LRP11: variants seen among roughly 807,000 people sequenced by gnomAD.
LRP11 encodes low-density lipoprotein receptor-related protein 11.
Under a neutral mutation model 43.1 loss-of-function variants are expected in LRP11, and 25 were observed. The ratio of observed to expected loss-of-function variants is 0.58; its 90% CI spans 0.42 to 0.81. The LOEUF (loss-of-function observed/expected upper bound fraction) is 0.81. Among genes scored for constraint, LRP11 ranks in the 30% least tolerant of loss-of-function variants. The pLI is 0.00. For missense variants in LRP11, 623 were observed against 665.1 expected, an observed-to-expected ratio of 0.94 and a Z score of 0.70; for synonymous variants, 316 against 299.4, an observed-to-expected ratio of 1.06 and a Z score of -0.57.
intron 1 of LRP11, among the ~76,000 whole-genome samples, chr6:149,854,123 T>C (rs1205177906): frequency 6.6e-6 from 1 of 152,144 alleles, no homozygotes; most frequent in African/African-American, 2.4e-5. Context: ...GTATTTACCT[T>C]TGTTTTTGTT....
At chr6:149,822,284 G>A (rs2115369229) in intron 6 of LRP11, among the ~76,000 whole-genome samples, 1 of 151,966 alleles carries the variant, frequency 6.6e-6, no homozygotes, top group Admixed American at 6.6e-5. Flanking sequence ...AGGCTGTTAT[G>A]AGCCATGATC....
intron 2 of LRP11, 106 bp downstream of exon 2, chr6:149,852,897 C>T (rs544712769): frequency 4.0e-6 from 4 of 992,328 alleles, no homozygotes; most frequent in South Asian, 4.5e-5. Flanking sequence ...CCATTTTATG[C>T]CTTCTGCTAG....
intron 5 of LRP11, among the ~76,000 whole-genome samples, chr6:149,833,293 G>A (rs2115380981): frequency 6.6e-6 from 1 of 152,320 alleles, no homozygotes; most frequent in East Asian, 1.9e-4. Flanking sequence ...ATCAGAGGCT[G>A]AGGACTCTAC....
chr6:149,846,144 C>T (rs188251893), intron 2 of LRP11, among the ~76,000 whole-genome samples: 29 of 152,248 alleles, frequency 1.9e-4, no homozygotes, highest in Non-Finnish European at 3.5e-4. Flanking sequence ...CCCATGGGCA[C>T]CAGGCTGAAC....
At chr6:149,833,597 A>T (rs1292910680) in intron 5 of LRP11, among the ~76,000 whole-genome samples, 1 of 152,240 alleles carries the variant, frequency 6.6e-6, no homozygotes, top group Non-Finnish European at 1.5e-5. Flanking sequence ...CAAAATTTTA[A>T]TGGTGAGTTT....
At chr6:149,848,863 C>G (rs190558609) in intron 2 of LRP11, among the ~76,000 whole-genome samples, 2 of 152,224 alleles carry the variant, frequency 1.3e-5, no homozygotes, top group East Asian at 3.9e-4. Context: ...CAAACCTGCA[C>G]ATGTACCCCT....
At chr6:149,860,360 C>T (rs1163723176) in intron 1 of LRP11, among the ~76,000 whole-genome samples, 1 of 152,122 alleles carries the variant, frequency 6.6e-6, no homozygotes, top group Non-Finnish European at 1.5e-5. Flanking sequence ...GTTATATTCC[C>T]TGCTCTTCTG....
In LRP11 at chr6:149,837,396, G is replaced by A. The variant is rs148177281; in HGVS notation, c.981C>T (p.Leu327=). ...CDDGCCIDIT[L]ACDGVQQCPD... Reference sequence around the variant, plus strand: ...GACACTGCTGCACTCCATCGCAGGCGAGCGTGATGTCAATGCAGCAGCCAT... The same window carrying A: ...GACACTGCTGCACTCCATCGCAGGCAAGCGTGATGTCAATGCAGCAGCCAT... The change falls in exon 4 of 7, where the codon CTC becomes CTT. Residue 327 remains leucine, a synonymous_variant. Coordinates refer to ENST00000239367, the MANE Select transcript of LRP11 (RefSeq NM_032832.6). The A allele has an allele frequency of 3.7e-3, 5,979 of 1,614,076 alleles. 18 individuals carry two copies. The highest frequency in any genetic ancestry group is 4.5e-3 in the Non-Finnish European group (5,285 of 1,180,016).
intron 1 of LRP11, among the ~76,000 whole-genome samples, chr6:149,861,635 G>C (rs551327147): frequency 6.6e-6 from 1 of 152,050 alleles, no homozygotes; most frequent in Non-Finnish European, 1.5e-5. Context: ...TGCCTCAGCC[G>C]CCCGAGGAGC....
intron 3 of LRP11, among the ~76,000 whole-genome samples, chr6:149,841,383 C>T (rs1028929866): frequency 2.1e-4 from 32 of 152,106 alleles, no homozygotes; most frequent in Admixed American, 2.0e-3. Flanking sequence ...TCAGGGACCA[C>T]CAGTGCACCA....
rs1444605850 is a variant in LRP11, at chr6:149,863,971, G to A, written c.50C>T (p.Pro17Leu). ...ESAGSQRRLP[P>L]RHGALRGLLL... ...CAGCCCGCGCAGCGCCCCGTGACGC[G>A]GCGGTAGCCGGCGCTGCGAGCCCGC... Residue 17 changes from proline to leucine, a missense_variant, in exon 1 of 7, where the codon CCG (proline) becomes CTG (leucine). Coordinates refer to ENST00000239367, the MANE Select transcript of LRP11 (RefSeq NM_032832.6). 4.9e-6 allele frequency: 7 copies of A among 1,414,424 alleles called. No homozygotes were observed. The highest frequency in any genetic ancestry group is 6.2e-5 in the East Asian group (2 of 32,512). The allele number at this position is 1,414,424 out of a possible 1,614,324, so 87.6% of individuals were successfully genotyped here.
chr6:149,846,083 T>G (rs1217105015), intron 2 of LRP11, among the ~76,000 whole-genome samples: 3 of 152,090 alleles, frequency 2.0e-5, no homozygotes, highest in African/African-American at 7.2e-5. Context: ...TTCTGGAAAC[T>G]TTTCCTCCCA....
chr6:149,854,389 G>T (rs914497142), intron 1 of LRP11, among the ~76,000 whole-genome samples: 1 of 152,128 alleles, frequency 6.6e-6, no homozygotes, highest in Admixed American at 6.5e-5. Flanking sequence ...TTACAAGTGT[G>T]AGCCACTGCA....
chr6:149,851,624 T>C (rs938086711), intron 2 of LRP11, among the ~76,000 whole-genome samples: 32 of 152,230 alleles, frequency 2.1e-4, no homozygotes, highest in African/African-American at 7.7e-4. Context: ...AGGCGTAGCC[T>C]GCTTGCCCAA....
intron 6 of LRP11, chr6:149,826,034 C>CA (rs1386991529): frequency 4.6e-5 from 23 of 498,482 alleles, no homozygotes; most frequent in Non-Finnish European, 6.9e-5. Context: ...CCACAGGTGT[C>CA]ACACCTGGAA....
chr6:149,849,584 T>A (rs941117197), intron 2 of LRP11, among the ~76,000 whole-genome samples: 1 of 151,906 alleles, frequency 6.6e-6, no homozygotes, highest in Admixed American at 6.6e-5. Context: ...TAGTGAGACC[T>A]CATCTCTACA....
At position 149,859,394 on chromosome 6, in the gene LRP11, A is replaced by T. The variant is rs868278005; in HGVS notation, c.613+4014T>A. On this transcript the variant is annotated intron_variant, in intron 1 of 6. Coordinates refer to ENST00000239367, the MANE Select transcript of LRP11 (RefSeq NM_032832.6). ...TGCTGACTCATATATATATATATAT[A>T]TATTTTTTTTTTTTTTTTTTTGACC... 7.6e-3 allele frequency among the ~76,000 whole-genome samples: 558 copies of T among 73,780 alleles called. 14 individuals are homozygous for T. Among genetic ancestry groups the T allele is most frequent in the African/African-American group, 0.044 (489 of 11,208 alleles). 48.4% of individuals were successfully genotyped at this position (73,780 alleles called of 152,430 possible). A position where few individuals can be genotyped will look rare whatever the true frequency, so the allele number is the denominator to read the frequency against.
chr6:149,852,199 A>C (rs1776729768), intron 2 of LRP11, among the ~76,000 whole-genome samples: 1 of 152,160 alleles, frequency 6.6e-6, no homozygotes, highest in Non-Finnish European at 1.5e-5. Flanking sequence ...AATCACTCTT[A>C]CTTAAACCAG....
At position 149,843,107 on chromosome 6, in the gene LRP11, G is replaced by T; in HGVS notation, c.789C>A (p.Thr263=). The T allele has an allele frequency of 6.2e-7, 1 of 1,614,138 alleles. No homozygotes were observed. The highest frequency in any genetic ancestry group is 8.5e-7 in the Non-Finnish European group (1 of 1,180,006). The change falls in exon 3 of 7, where the codon ACC becomes ACA. Residue 263 remains threonine (T), a synonymous_variant. Coordinates refer to ENST00000239367, the MANE Select transcript of LRP11 (RefSeq NM_032832.6). ...CCTCCTGTAGGTGGGACAGCTTCAG[G>T]GTTCCTGATTGAGGCACCTGCCACA... ...SVDMKVPQSG[T]LKLSHLQEGT...
Sources: gnomAD v4.1 joint callset for allele counts (sites outside exome capture counted in the v4.1 genomes callset) on GRCh38, gnomAD v4.1.1 for gene constraint, MANE v1.5 for transcripts, NCBI Gene and HGNC (gene_info 2026-07-23, HGNC 2026-07-21) for gene names.